NECTIN3: variants seen among roughly 807,000 people sequenced by gnomAD.
The protein encoded by NECTIN3 is nectin-3.
A neutral mutation model predicts 49.4 loss-of-function variants in NECTIN3; 8 were observed. That is an observed-to-expected ratio of 0.16 (90% CI 0.10 to 0.29). NECTIN3 has a LOEUF of 0.29. NECTIN3 is among the 10% of genes least tolerant of loss of function. The probability of loss-of-function intolerance (pLI) is 1.00; values close to 1 mark genes in which losing one functional copy is unlikely to be tolerated. For missense variants in NECTIN3, 581 were observed against 654.6 expected, an observed-to-expected ratio of 0.89 and a Z score of 1.23; for synonymous variants, 277 against 241.1, an observed-to-expected ratio of 1.15 and a Z score of -1.38.
intron 1 of NECTIN3, chr3:111,072,445 T>G (rs2030842739): frequency 7.8e-6 from 12 of 1,534,770 alleles, no homozygotes; most frequent in Non-Finnish European, 1.0e-5. Context: ...CGATGGTGCT[T>G]CGTGCGCCGA....
chr3:111,083,657 A>G (rs945021463), intron 1 of NECTIN3, among the ~76,000 whole-genome samples: 2 of 152,214 alleles, frequency 1.3e-5, no homozygotes, highest in African/African-American at 2.4e-5. Flanking sequence ...ACATCAGTCA[A>G]GGTTTTATTC....
chr3:111,174,090 C>T (rs1184714598), intron 7 of NECTIN3, among the ~76,000 whole-genome samples: 2 of 152,176 alleles, frequency 1.3e-5, no homozygotes, highest in Non-Finnish European at 2.9e-5. Context: ...CTCCACCATA[C>T]CTAACCCAGT....
intron 5 of NECTIN3, among the ~76,000 whole-genome samples, chr3:111,129,653 ATT>A (rs34318879): frequency 4.8e-5 from 7 of 145,596 alleles, no homozygotes; most frequent in Admixed American, 6.9e-5. Flanking sequence ...ATATGAGATA[ATT>A]TTTTTTTTTT....
At chr3:111,123,671 T>C (rs981001566) in intron 4 of NECTIN3, among the ~76,000 whole-genome samples, 13 of 152,134 alleles carry the variant, frequency 8.5e-5, no homozygotes, top group Admixed American at 6.5e-4. Flanking sequence ...TTGGCCTCCT[T>C]CTAGTTTTCT....
At chr3:111,093,557 C>G (rs1039066491) in intron 1 of NECTIN3, among the ~76,000 whole-genome samples, 1 of 151,804 alleles carries the variant, frequency 6.6e-6, no homozygotes. Context: ...ACCCCAGCCT[C>G]CTGAGTAACT....
At chr3:111,089,255 T>C (rs1339050291) in intron 1 of NECTIN3, among the ~76,000 whole-genome samples, 1 of 152,062 alleles carries the variant, frequency 6.6e-6, no homozygotes, top group Admixed American at 6.5e-5. Context: ...TTTTGGTTCA[T>C]TGTTGATTCT....
intron 7 of NECTIN3, among the ~76,000 whole-genome samples, chr3:111,149,549 G>A (rs1270166875): frequency 1.3e-5 from 2 of 148,364 alleles, no homozygotes; most frequent in Non-Finnish European, 1.5e-5. Context: ...ATTCCTGTTA[G>A]GTTTACTTTA....
At chr3:111,163,882 A>T (rs2035267774) in intron 7 of NECTIN3, among the ~76,000 whole-genome samples, 1 of 152,052 alleles carries the variant, frequency 6.6e-6, no homozygotes, top group Non-Finnish European at 1.5e-5. Context: ...GATAGATCAG[A>T]TCTATAAAGT....
downstream of NECTIN3, among the ~76,000 whole-genome samples, chr3:111,141,698 T>C (rs969738584): frequency 3.9e-5 from 6 of 151,952 alleles, no homozygotes; most frequent in Non-Finnish European, 8.8e-5. Context: ...CCATTACTAC[T>C]GTGATAACAG....
At position 111,147,365 on chromosome 3, in the gene NECTIN3, A is replaced by G. The variant is rs72937936; in HGVS notation, c.1140-38A>G. ...TTCTTTTGCTTTTTTTTTTTTTCCTAAATGTGACAATCACATATTTTAACC... is the reference window on the plus strand; with the variant it reads ...TTCTTTTGCTTTTTTTTTTTTTCCTGAATGTGACAATCACATATTTTAACC... On this transcript the variant is annotated intron_variant, in intron 6 of 8. Transcript: ENST00000493615. 5.2e-3 allele frequency: 7,141 copies of G among 1,383,038 alleles called. 331 individuals are homozygous for G. The African/African-American group carries it at 0.094, about 18-fold the overall frequency. 85.7% of individuals were successfully genotyped at this position (1,383,038 alleles called of 1,614,324 possible).
At position 111,166,845 on chromosome 3, in the gene NECTIN3, A is replaced by G. The variant is rs912577307; in HGVS notation, c.1221+19361A>G. Among the ~76,000 whole-genome samples, 5 of 152,250 alleles carry G rather than the reference A, an allele frequency of 3.3e-5. No homozygotes were observed. The East Asian group carries it at 7.7e-4, about 23-fold the overall frequency. On this transcript the variant is annotated intron_variant, in intron 7 of 8. Coordinates refer to the NECTIN3 transcript ENST00000493615. Reference sequence around the variant, plus strand: ...TTATCACTAAAACTATATACTATGTATATGTGAATACATGTAATGTAGGAA... The same window carrying G: ...TTATCACTAAAACTATATACTATGTGTATGTGAATACATGTAATGTAGGAA...
At chr3:111,117,857 A>G (rs1190271043) in intron 2 of NECTIN3, among the ~76,000 whole-genome samples, 1 of 152,124 alleles carries the variant, frequency 6.6e-6, no homozygotes, top group East Asian at 1.9e-4. Flanking sequence ...GGCAGAGTAG[A>G]TTGAGAGGTT....
chr3:111,153,325 G>A (rs867916085), intron 7 of NECTIN3, among the ~76,000 whole-genome samples: 30 of 151,782 alleles, frequency 2.0e-4, no homozygotes, highest in African/African-American at 7.0e-4. Context: ...ATTTTAGTTG[G>A]GGAGGGCCCT....
Position 111,071,917 on chromosome 3 carries a change from G to A in NECTIN3, c.-101G>A, listed in dbSNP as rs979883945. The A allele has an allele frequency of 6.5e-6, 5 of 766,318 alleles. No homozygotes were observed. Among genetic ancestry groups the A allele is most frequent in the Non-Finnish European group, 9.1e-6 (5 of 547,566 alleles). 47.5% of individuals were successfully genotyped at this position (766,318 alleles called of 1,614,324 possible). On this transcript the variant is annotated 5_prime_UTR_variant, in exon 1 of 6. Coordinates refer to ENST00000485303, the MANE Select transcript of NECTIN3 (RefSeq NM_015480.3). The stretch of plus-strand genomic sequence containing the variant: ...GGCGCTAGAGCTGGGAGCTGGGGAC[G>A]CGCGCGCCGGACCTTCCACAGCCTC...
intron 1 of NECTIN3, among the ~76,000 whole-genome samples, chr3:111,101,461 A>C (rs2032903059): frequency 6.6e-6 from 1 of 152,142 alleles, no homozygotes; most frequent in Non-Finnish European, 1.5e-5. Context: ...TATTCACTAT[A>C]TTGGTTACGT....
At chr3:111,107,079 A>G (rs2033213212) in intron 1 of NECTIN3, among the ~76,000 whole-genome samples, 1 of 152,158 alleles carries the variant, frequency 6.6e-6, no homozygotes, top group African/African-American at 2.4e-5. Flanking sequence ...TTTAATTTCA[A>G]ACACTTTTAG....
At chr3:111,192,511 C>A (rs968682119) in intron 1 of NECTIN3, 1 of 1,198,534 alleles carries the variant, frequency 8.3e-7, no homozygotes, top group Non-Finnish European at 1.2e-6. Context: ...TTTTATTCAT[C>A]TTTCCCCTAT....
At chr3:111,178,133 C>T (rs988744846) in intron 7 of NECTIN3, among the ~76,000 whole-genome samples, 1 of 152,168 alleles carries the variant, frequency 6.6e-6, no homozygotes, top group Admixed American at 6.5e-5. Flanking sequence ...ACAAGAAACA[C>T]TGCCTTCCTT....
At chr3:111,178,516 A>G (rs2035571627) in intron 7 of NECTIN3, among the ~76,000 whole-genome samples, 1 of 152,216 alleles carries the variant, frequency 6.6e-6, no homozygotes, top group Non-Finnish European at 1.5e-5. Flanking sequence ...CTGGGGCAGA[A>G]TGGGAAACTC....
Sources: allele counts gnomAD v4.1 joint callset (sites outside exome capture counted in the v4.1 genomes callset), GRCh38; gene constraint gnomAD v4.1.1; transcripts MANE v1.5; gene names NCBI Gene and HGNC (gene_info 2026-07-23, HGNC 2026-07-21).